Variants in TTC38 observed in about 807,000 individuals in gnomAD.
TTC38 encodes the protein tetratricopeptide repeat domain 38.
Under a neutral mutation model 64.2 loss-of-function variants are expected in TTC38, and 64 were observed. The observed-to-expected ratio is 1.00, with a 90% CI of 0.81 to 1.23. The LOEUF is 1.23. Ranked by LOEUF, TTC38 falls within the 50% of genes most tolerant of loss-of-function variation. The pLI, the probability that TTC38 is intolerant of heterozygous loss-of-function variation, is 0.00. For missense variants in TTC38, 573 were observed against 615.5 expected (o/e 0.93, Z 0.73); for synonymous variants, 254 against 249.3 (o/e 1.02, Z -0.18).
At chr22:46,277,960 G>C (rs2077505590) in intron 5 of TTC38, among the ~76,000 whole-genome samples, 1 of 152,238 alleles carries the variant, frequency 6.6e-6, no homozygotes, top group Admixed American at 6.5e-5. Flanking sequence ...TTGATTCTTA[G>C]AAGGTGGGAT....
Position 46,286,977 on chromosome 22 carries a change from GGCCCC to G in TTC38, c.835-95_835-91del, listed in dbSNP as rs2147799662. On this transcript the variant is annotated intron_variant, in intron 9 of 13. Transcript: ENST00000381031. The stretch of plus-strand genomic sequence containing the variant: ...AGTGGCAGAGGGCTTGCTCTATGCA[GGCCCC>G]ACCCCACCTGGACAGGCTGACCCTG... The G allele has an allele frequency of 5.4e-6, 5 of 929,214 alleles. No individual in the cohort carries two copies. The South Asian group carries it at 7.7e-5, about 14-fold the overall frequency. The allele number at this position is 929,214 out of a possible 1,614,324, so 57.6% of individuals were successfully genotyped here.
At position 46,282,864 on chromosome 22, in the gene TTC38, G is replaced by A. The variant is rs1343896709; in HGVS notation, c.736-1109G>A. Among the ~76,000 whole-genome samples the A allele has an allele frequency of 1.3e-5, 2 of 152,178 alleles. No homozygotes were observed. The stretch of plus-strand genomic sequence containing the variant: ...CCACCCACATACCACCCACTCCCCT[G>A]GCTCTCGGGGCTTTGCCAGCACCTG... On this transcript the variant is annotated intron_variant, in intron 7 of 13. Transcript: ENST00000381031. This position sits in a 1 kb window ranked among gnomAD's most constrained non-coding sequence, Gnocchi z 4.4.
Position 46,288,511 on chromosome 22 carries a change from C to A in TTC38, c.1005C>A (p.His335Gln). ...RDHILLFNDA[H>Q]FLMASLGAHD... The stretch of plus-strand genomic sequence containing the variant: ...ACATCCTGCTGTTCAATGACGCACA[C>A]TTCCTGATGGCATCCCTGGGTGCAC... Residue 335 changes from histidine to glutamine, a missense_variant, in exon 11 of 14, where the codon CAC (histidine) becomes CAA (glutamine). Physicochemically the swap from His to Gln is conservative, Grantham distance 24 (BLOSUM62 0). Around this residue, in one of 3 missense-constraint regions of TTC38, gnomAD observed 371 missense variants for 381.8 expected, o/e 0.97. Transcript: ENST00000381031. 6.2e-7 allele frequency: 1 copy of A among 1,614,078 alleles called. No homozygotes were observed. The highest frequency in any genetic ancestry group is 1.7e-4 in the Middle Eastern group (1 of 6,058).
rs2077488471 is a variant in TTC38 at position 46,276,554 on chromosome 22, C to T, written c.539+1133C>T. Among the ~76,000 whole-genome samples the T allele has an allele frequency of 6.6e-6, 1 of 151,356 alleles. No individual in the cohort carries two copies. Among genetic ancestry groups the T allele is most frequent in the South Asian group, 2.1e-4 (1 of 4,806 alleles). On this transcript the variant is annotated intron_variant, in intron 5 of 13. Coordinates refer to ENST00000381031, the MANE Select transcript of TTC38 (RefSeq NM_017931.4). This position sits in a 1 kb window ranked among gnomAD's most constrained non-coding sequence, Gnocchi z 4.7. ...GAAAAAATAAATTAAAAAAGTTAGC[C>T]AGGCATGGTGGCATGTGCCTGTAGT...
Position 46,276,730 on chromosome 22 carries a change from T to TA in TTC38, c.539+1316dup, listed in dbSNP as rs779269438. ...ATATATATATTAAAAATATATATATTAAAAAAATATATATAAAATACATAT... is the reference window on the plus strand; with the variant it reads ...ATATATATATTAAAAATATATATATTAAAAAAAATATATATAAAATACATAT... On this transcript the variant is annotated intron_variant, in intron 5 of 13. Coordinates refer to ENST00000381031, the MANE Select transcript of TTC38 (RefSeq NM_017931.4). The surrounding 1 kb of genome is among the most constrained non-coding windows in gnomAD (Gnocchi z 4.7). 2.3e-5 allele frequency among the ~76,000 whole-genome samples: 3 copies of TA among 131,926 alleles called. No homozygotes were observed. The highest frequency in any genetic ancestry group is 4.6e-5 in the Non-Finnish European group (3 of 65,398). 86.5% of individuals were successfully genotyped at this position (131,926 alleles called of 152,430 possible). A position where few individuals can be genotyped will look rare whatever the true frequency, so the allele number is the denominator to read the frequency against.
Position 46,273,863 on chromosome 22 carries a change from TC to T in TTC38, c.194-34del. The stretch of plus-strand genomic sequence containing the variant: ...GGCTGGGATGGGCTGAGCTGGACCA[TC>T]TGAACCACCAGCCGTTCTCTAACCT... On this transcript the variant is annotated intron_variant, in intron 3 of 13. Transcript: ENST00000381031. This position sits in a 1 kb window ranked among gnomAD's most constrained non-coding sequence, Gnocchi z 5.1. 1 of 1,611,826 alleles carries T rather than the reference TC, an allele frequency of 6.2e-7. No homozygotes were observed. The highest frequency in any genetic ancestry group is 1.1e-5 in the South Asian group (1 of 90,972).
intron 9 of TTC38, among the ~76,000 whole-genome samples, chr22:46,286,661 CAAAAAA>C (rs75063671): frequency 8.8e-6 from 1 of 113,138 alleles, no homozygotes; most frequent in Non-Finnish European, 1.9e-5. Flanking sequence ...GACCCTATCT[CAAAAAA>C]AAAAAAAAAA....
intron 2 of TTC38, chr22:46,269,093 C>CA (rs768266228): frequency 9.5e-6 from 4 of 419,098 alleles, no homozygotes; most frequent in Middle Eastern, 3.6e-4. Flanking sequence ...TCTCTGCCCC[C>CA]CCCCCACAGC....
intron 8 of TTC38, 110 bp downstream of exon 8, chr22:46,284,142 G>T: frequency 1.1e-6 from 1 of 885,698 alleles, no homozygotes; most frequent in Non-Finnish European, 1.8e-6. Context: ...CTGATGCAAT[G>T]GAGCATTAAC....
At position 46,289,503 on chromosome 22, in the gene TTC38, T is replaced by C. The variant is rs1440807770; in HGVS notation, c.1184T>C (p.Leu395Pro). ...EAEDGNPDRV[L>P]ELLLPIRYRI... Reference sequence around the variant, plus strand: ...GAGGACGGGAACCCTGACCGCGTCCTGGAGCTGCTCCTGCCCATCCGCTAC... The same window carrying C: ...GAGGACGGGAACCCTGACCGCGTCCCGGAGCTGCTCCTGCCCATCCGCTAC... The change falls in exon 12 of 14, where the codon CTG (leucine) becomes CCG (proline). Residue 395 changes from leucine to proline, a missense_variant. By Grantham distance (98) the Leu-to-Pro change is moderately conservative. Coordinates refer to ENST00000381031, the MANE Select transcript of TTC38 (RefSeq NM_017931.4). The C allele has an allele frequency of 2.5e-6, 4 of 1,608,146 alleles. No homozygotes were observed. In the Admixed American group the frequency reaches 6.7e-5, roughly 27 times the overall value.
rs966178952 is a variant in TTC38 at position 46,276,823 on chromosome 22, A to C, written c.539+1402A>C. 8.0e-6 allele frequency among the ~76,000 whole-genome samples: 1 copy of C among 124,752 alleles called. No individual in the cohort carries two copies. The highest frequency in any genetic ancestry group is 4.5e-5 in the African/African-American group (1 of 22,360). 81.8% of individuals were successfully genotyped at this position (124,752 alleles called of 152,430 possible). A position where few individuals can be genotyped will look rare whatever the true frequency, so the allele number is the denominator to read the frequency against. On this transcript the variant is annotated intron_variant, in intron 5 of 13. Transcript: ENST00000381031. This position sits in a 1 kb window ranked among gnomAD's most constrained non-coding sequence, Gnocchi z 4.7. The stretch of plus-strand genomic sequence containing the variant: ...AATTATATATTAAAATATATATATT[A>C]AATATATATATATATATAAACATAT...
In TTC38 at chr22:46,275,268, A is replaced by T; in HGVS notation, c.386A>T (p.Glu129Val). The T allele has an allele frequency of 6.2e-7, 1 of 1,613,734 alleles. No homozygotes were observed. Among genetic ancestry groups the T allele is most frequent in the Non-Finnish European group, 8.5e-7 (1 of 1,179,908 alleles). ...FANGNFPKAC[E>V]LWEQILQDHP... ...TCCAGGAACTTTCCGAAAGCCTGTG[A>T]ACTATGGGAACAGATTCTCCAGGAC... The change falls in exon 5 of 14, where the codon GAA becomes GTA. Residue 129 changes from glutamate to valine, a missense_variant. Physicochemically the swap from Glu to Val is moderately radical, Grantham distance 121 (BLOSUM62 -2). Transcript: ENST00000381031. The surrounding 1 kb of genome is among the most constrained non-coding windows in gnomAD (Gnocchi z 4.5).
chr22:46,269,982 C>T (rs942396014), intron 2 of TTC38, among the ~76,000 whole-genome samples: 4 of 152,112 alleles, frequency 2.6e-5, no homozygotes, highest in Admixed American at 1.3e-4. Flanking sequence ...TTAGTAGAGA[C>T]GGGGTTTCAC....
At position 46,289,361 on chromosome 22, in the gene TTC38, G is replaced by A. The variant is rs565593927; in HGVS notation, c.1083-41G>A. 7.5e-6 allele frequency: 12 copies of A among 1,594,100 alleles called. No individual in the cohort carries two copies. The African/African-American group carries it at 9.3e-5, about 12-fold the overall frequency. On this transcript the variant is annotated intron_variant, in intron 11 of 13. Coordinates refer to ENST00000381031, the MANE Select transcript of TTC38 (RefSeq NM_017931.4). ...TGGCTCTGCCCTTCCCGGATGTTCT[G>A]TGATGGGCAGGCAGCTGAGGGCACC... is the stretch of plus-strand genomic sequence containing the variant.
intron 5 of TTC38, among the ~76,000 whole-genome samples, chr22:46,277,038 T>TACACACACAC (rs758364134): frequency 9.9e-6 from 1 of 101,466 alleles, no homozygotes; most frequent in African/African-American, 4.3e-5. Context: ...ACAATACATA[T>TACACACACAC]ATATACATAC....
Position 46,268,064 on chromosome 22 carries a change from G to A in TTC38, c.25G>A (p.Asp9Asn), listed in dbSNP as rs961250459. The A allele has an allele frequency of 6.5e-7, 1 of 1,543,844 alleles. No individual in the cohort carries two copies. Among genetic ancestry groups the A allele is most frequent in the Non-Finnish European group, 8.7e-7 (1 of 1,151,186 alleles). The change falls in exon 1 of 14, where the codon GAC becomes AAC. Residue 9 changes from aspartate (D) to asparagine (N), a missense_variant. Physicochemically the swap from Asp to Asn is conservative, Grantham distance 23. Coordinates refer to ENST00000381031, the MANE Select transcript of TTC38 (RefSeq NM_017931.4). ...CATGGCCGCAGCCTCGCCTCTGCGC[G>A]ACTGCCAGGTACACGGAGGCTGCCC... MAAASPLR[D>N]CQAWKDARLP...
intron 12 of TTC38, 95 bp from the exon 13 acceptor site, chr22:46,289,731 C>T (rs2077599441): frequency 6.7e-7 from 1 of 1,492,064 alleles, no homozygotes; most frequent in Non-Finnish European, 9.3e-7. Context: ...ATCAACACCA[C>T]TGTCTCCCTG....
chr22:46,268,687 G>A, intron 2 of TTC38, 96 bp downstream of exon 2: 1 of 1,265,422 alleles, frequency 7.9e-7, no homozygotes, highest in Non-Finnish European at 1.1e-6. Context: ...GTTTTGTTTT[G>A]TTTTGTTTTG....
At position 46,276,646 on chromosome 22, in the gene TTC38, T is replaced by C. The variant is rs1156738453; in HGVS notation, c.539+1225T>C. Among the ~76,000 whole-genome samples the C allele has an allele frequency of 6.6e-6, 1 of 151,122 alleles. No individual in the cohort carries two copies. Among genetic ancestry groups the C allele is most frequent in the East Asian group, 1.9e-4 (1 of 5,178 alleles). ...CCAGGAGTTTGAGGCTGCAGTGAGC[T>C]GGCGATCATGCCACTGCACTCAGCC... On this transcript the variant is annotated intron_variant, in intron 5 of 13. Transcript: ENST00000381031. This position sits in a 1 kb window ranked among gnomAD's most constrained non-coding sequence, Gnocchi z 4.7.
Sources: gnomAD v4.1 joint callset for allele counts (sites outside exome capture counted in the v4.1 genomes callset) on GRCh38, gnomAD v4.1.1 for gene constraint, gnomAD v4.1.1 regional missense constraint, Gnocchi (gnomAD v3.1) non-coding constraint, MANE v1.5 for transcripts, NCBI Gene and HGNC (gene_info 2026-07-23, HGNC 2026-07-21) for gene names.